The following TCP11L2 variants were observed in gnomAD, a reference collection of about 807,000 sequenced individuals.
TCP11L2 encodes T-complex protein 11-like protein 2.
In TCP11L2, 39 loss-of-function variants were observed where a neutral mutation model predicts 50.7. That is an observed-to-expected ratio of 0.77 (90% confidence interval 0.60 to 1.01). TCP11L2 has a LOEUF of 1.01. Among genes scored for constraint, TCP11L2 ranks in the 50% least tolerant of loss-of-function variants. The pLI is 0.00. For synonymous variants in TCP11L2, 192 were observed against 219.3 expected, an observed-to-expected ratio of 0.88 and a Z score of 1.10; for missense variants, 612 against 614.7, an observed-to-expected ratio of 1.00 and a Z score of 0.05.
intron 8 of TCP11L2, 76 bp downstream of exon 8, chr12:106,336,289 T>G: frequency 7.5e-7 from 1 of 1,338,308 alleles, no homozygotes; most frequent in Non-Finnish European, 1.0e-6. Flanking sequence ...AGAATGACCT[T>G]GGACATCTGG....
chr12:106,338,970 G>A (rs535657128), intron 8 of TCP11L2, among the ~76,000 whole-genome samples: 46 of 152,192 alleles, frequency 3.0e-4, no homozygotes, highest in African/African-American at 9.9e-4. Context: ...GCGAAACCCC[G>A]TCTCTACAAA....
At chr12:106,298,552 C>T (rs1056542960), upstream of TCP11L2, among the ~76,000 whole-genome samples, 3 of 152,106 alleles carry the variant, frequency 2.0e-5, no homozygotes, top group African/African-American at 4.8e-5. Context: ...GACAAAGTCT[C>T]GCTCTGTTGC....
Position 106,335,654 on chromosome 12 carries a change from C to T in TCP11L2, c.788C>T (p.Thr263Ile). ...TCACTCTTAGGTGCTCTTGATCAGA[C>T]TACAGAATGGATAAAAGAATCTGTA... is the stretch of plus-strand genomic sequence containing the variant. ...LEETPSALDQTTEWIKESVNE... is the reference protein window; with the variant it reads ...LEETPSALDQITEWIKESVNE... Residue 263 changes from threonine (T) to isoleucine (I), a missense_variant, in exon 7 of 10, where the codon ACT (threonine) becomes ATT (isoleucine). Coordinates refer to ENST00000299045, the MANE Select transcript of TCP11L2 (RefSeq NM_152772.3). The T allele has an allele frequency of 6.2e-7, 1 of 1,614,160 alleles. No individual in the cohort carries two copies. The highest frequency in any genetic ancestry group is 8.5e-7 in the Non-Finnish European group (1 of 1,180,016).
chr12:106,328,937 C>T (rs1048984808), intron 6 of TCP11L2, among the ~76,000 whole-genome samples: 14 of 152,220 alleles, frequency 9.2e-5, no homozygotes, highest in South Asian at 6.2e-4. Flanking sequence ...CTGCTGGGCA[C>T]GTGACTCTGC....
intron 9 of TCP11L2, among the ~76,000 whole-genome samples, chr12:106,343,736 C>T (rs1302601889): frequency 6.6e-6 from 1 of 151,480 alleles, no homozygotes; most frequent in African/African-American, 2.4e-5. Flanking sequence ...CTCACTGCAA[C>T]CTCTGCCTCC....
In TCP11L2 at chr12:106,309,740, C is replaced by G. The variant is rs558017291; in HGVS notation, c.-35-1301C>G. Among the ~76,000 whole-genome samples the G allele has an allele frequency of 2.6e-5, 4 of 151,606 alleles. No individual in the cohort carries two copies. In the East Asian group the frequency reaches 7.8e-4, roughly 29 times the overall value. ...CAGTACACAGTTTTAGGTAGCTGGACTTGAGAACCACAAGAATAGGGCATT... is the reference window on the plus strand; with the variant it reads ...CAGTACACAGTTTTAGGTAGCTGGAGTTGAGAACCACAAGAATAGGGCATT... On this transcript the variant is annotated intron_variant, in intron 1 of 9. Coordinates refer to ENST00000299045, the MANE Select transcript of TCP11L2 (RefSeq NM_152772.3).
In TCP11L2 at chr12:106,335,668, A is replaced by C; in HGVS notation, c.802A>C (p.Lys268Gln). 6.2e-7 allele frequency: 1 copy of C among 1,614,198 alleles called. No homozygotes were observed. Among genetic ancestry groups the C allele is most frequent in the Non-Finnish European group, 8.5e-7 (1 of 1,180,022 alleles). Residue 268 changes from lysine (K) to glutamine (Q), a missense_variant, in exon 7 of 10, where the codon AAA becomes CAA. Lys to Gln is a moderately conservative substitution (Grantham distance 53). Coordinates refer to ENST00000299045, the MANE Select transcript of TCP11L2 (RefSeq NM_152772.3). Reference sequence around the variant, plus strand: ...TCTTGATCAGACTACAGAATGGATAAAAGAATCTGTAAATGAAGAATTATT... The same window carrying C: ...TCTTGATCAGACTACAGAATGGATACAAGAATCTGTAAATGAAGAATTATT... ...SALDQTTEWI[K>Q]ESVNEELFSL... is the part of the protein sequence containing the mutation.
In TCP11L2 at chr12:106,314,375, G is replaced by A; in HGVS notation, c.175G>A (p.Val59Ile). 6.2e-7 allele frequency: 1 copy of A among 1,611,630 alleles called. No homozygotes were observed. Among genetic ancestry groups the A allele is most frequent in the Non-Finnish European group, 8.5e-7 (1 of 1,177,962 alleles). The change falls in exon 3 of 10, where the codon GTT becomes ATT. Residue 59 changes from valine (V) to isoleucine (I), a missense_variant. By Grantham distance (29) the Val-to-Ile change is conservative (BLOSUM62 3). Coordinates refer to ENST00000299045, the MANE Select transcript of TCP11L2 (RefSeq NM_152772.3). ...TCTTTCAGCAACAAGCCCTCCAAGG[G>A]TTGTAACATTTGATGAAGTGATGGC... ...SSPASTSPPR[V>I]VTFDEVMATA...
chr12:106,309,684 C>G (rs534785658), intron 1 of TCP11L2, among the ~76,000 whole-genome samples: 1 of 151,480 alleles, frequency 6.6e-6, no homozygotes, highest in African/African-American at 2.4e-5. Context: ...TCAACAATGC[C>G]TTATTCCCCC....
upstream of TCP11L2, among the ~76,000 whole-genome samples, chr12:106,300,883 C>T (rs1204037072): frequency 1.3e-5 from 2 of 152,144 alleles, no homozygotes; most frequent in African/African-American, 4.8e-5. Flanking sequence ...GCTGGTCACT[C>T]CAGTATAAAG....
At chr12:106,298,078 A>G (rs1294973094), upstream of TCP11L2, among the ~76,000 whole-genome samples, 2 of 152,348 alleles carry the variant, frequency 1.3e-5, no homozygotes, top group East Asian at 3.9e-4. Flanking sequence ...GTGAAGGTAC[A>G]GGCAATTGAA....
chr12:106,344,358 T>C (rs907171155), intron 9 of TCP11L2, among the ~76,000 whole-genome samples: 1 of 152,146 alleles, frequency 6.6e-6, no homozygotes, highest in East Asian at 1.9e-4. Context: ...AAAAAAGATA[T>C]AAACCTCACG....
At chr12:106,306,920 G>T (rs993711552) in intron 1 of TCP11L2, among the ~76,000 whole-genome samples, 2 of 152,194 alleles carry the variant, frequency 1.3e-5, no homozygotes, top group Admixed American at 6.5e-5. Flanking sequence ...TATCATCAGT[G>T]TATCTTTGCA....
intron 4 of TCP11L2, 33 bp from the exon 5 acceptor site, chr12:106,321,453 T>C (rs761667115): frequency 6.5e-7 from 1 of 1,547,042 alleles, no homozygotes; most frequent in South Asian, 1.2e-5. Context: ...ATTCACATCA[T>C]GATGCTGTTA....
At chr12:106,318,760 G>C (rs2035199935) in intron 4 of TCP11L2, among the ~76,000 whole-genome samples, 2 of 152,182 alleles carry the variant, frequency 1.3e-5, no homozygotes, top group Non-Finnish European at 2.9e-5. Context: ...GCCTAGGCTG[G>C]AGTGCGGTGG....
At chr12:106,307,436 T>C (rs2034677866) in intron 1 of TCP11L2, 1 of 152,248 alleles carries the variant, frequency 6.6e-6, no homozygotes, top group Non-Finnish European at 1.5e-5. Flanking sequence ...TGGCAAAGGT[T>C]AGGTAGATCT....
chr12:106,334,215 G>A (rs2035835779), intron 6 of TCP11L2, among the ~76,000 whole-genome samples: 1 of 152,134 alleles, frequency 6.6e-6, no homozygotes, highest in African/African-American at 2.4e-5. Flanking sequence ...GTTTCTGGAG[G>A]GCTGTACTAA....
In TCP11L2 at chr12:106,322,872, C is replaced by T. The variant is rs77334760; in HGVS notation, c.636-638C>T. 6.9e-3 allele frequency among the ~76,000 whole-genome samples: 1,046 copies of T among 152,278 alleles called. 20 individuals are homozygous for T. Among genetic ancestry groups the T allele is most frequent in the African/African-American group, 0.024 (1,004 of 41,526 alleles). ...TTATAGGATCCTTGCTTCTAGTTGT[C>T]GTATTACCCTAGTAAGATCTCAAAT... On this transcript the variant is annotated intron_variant, in intron 5 of 9. Coordinates refer to ENST00000299045, the MANE Select transcript of TCP11L2 (RefSeq NM_152772.3).
chr12:106,331,912 TTC>T (rs1333543090), intron 6 of TCP11L2, among the ~76,000 whole-genome samples: 1 of 152,256 alleles, frequency 6.6e-6, no homozygotes, highest in African/African-American at 2.4e-5. Flanking sequence ...TGCTTCTTCA[TTC>T]TCTGTCTTGC....
Sources: gnomAD v4.1 joint callset for allele counts (sites outside exome capture counted in the v4.1 genomes callset) on GRCh38, gnomAD v4.1.1 for gene constraint, MANE v1.5 for transcripts, NCBI Gene and HGNC (gene_info 2026-07-23, HGNC 2026-07-21) for gene names.